Variants in VAV2 observed in about 807,000 individuals in gnomAD.
VAV2 encodes the protein guanine nucleotide exchange factor VAV2.
In VAV2, 67 loss-of-function variants were observed where a neutral mutation model predicts 132.5. The observed-to-expected ratio is 0.51, with a 90% CI of 0.42 to 0.62. The LOEUF is 0.62. VAV2 is among the 20% of genes least tolerant of loss of function. VAV2 has a pLI of 0.00. For missense variants in VAV2, 938 were observed against 1,153.6 expected, an observed-to-expected ratio of 0.81 and a Z score of 2.71; for synonymous variants, 492 against 443.5, an observed-to-expected ratio of 1.11 and a Z score of -1.37.
At chr9:133,849,136 A>C (rs1279108218) in intron 3 of VAV2, among the ~76,000 whole-genome samples, 1 of 152,146 alleles carries the variant, frequency 6.6e-6, no homozygotes, top group Non-Finnish European at 1.5e-5. Context: ...CCTAAAGGGA[A>C]GGACAGGAGT....
At chr9:133,889,227 C>T (rs1209222871) in intron 2 of VAV2, among the ~76,000 whole-genome samples, 2 of 152,180 alleles carry the variant, frequency 1.3e-5, no homozygotes, top group African/African-American at 4.8e-5. Flanking sequence ...CTGGGTTCCT[C>T]GTCCAGGAAA....
At chr9:133,870,004 ATTTT>A (rs199576915) in intron 2 of VAV2, among the ~76,000 whole-genome samples, 3 of 151,268 alleles carry the variant, frequency 2.0e-5, no homozygotes, top group Non-Finnish European at 4.4e-5. Context: ...GTTATCCTTC[ATTTT>A]TTTTTCTTTT....
rs1218844861 is a variant in VAV2, at chr9:133,919,558, G to A, written c.321+19545C>T. 1.3e-5 allele frequency among the ~76,000 whole-genome samples: 2 copies of A among 152,192 alleles called. No individual in the cohort carries two copies. Among genetic ancestry groups the A allele is most frequent in the African/African-American group, 4.8e-5 (2 of 41,428 alleles). ...TGTTCTAAGCCACGGGTCAAGGGCT[G>A]CCCACTCAGCAAGGGAAGCCACCAG... On this transcript the variant is annotated intron_variant, in intron 2 of 29. Transcript: ENST00000371850. This position sits in a 1 kb window ranked among gnomAD's most constrained non-coding sequence, Gnocchi z 5.8.
chr9:133,951,438 G>C (rs1309833882), intron 1 of VAV2, among the ~76,000 whole-genome samples: 2 of 152,168 alleles, frequency 1.3e-5, no homozygotes, highest in Non-Finnish European at 2.9e-5. Flanking sequence ...CTCTCCTGCA[G>C]GTGCCTACAA....
At chr9:133,811,093 A>G (rs1484015748) in intron 5 of VAV2, among the ~76,000 whole-genome samples, 5 of 152,234 alleles carry the variant, frequency 3.3e-5, no homozygotes, top group Non-Finnish European at 5.9e-5. Context: ...CCGGGAAGGC[A>G]AACTGGAGGC....
At chr9:133,779,412 C>T (rs1053513324) in intron 21 of VAV2, among the ~76,000 whole-genome samples, 1 of 152,046 alleles carries the variant, frequency 6.6e-6, no homozygotes. Context: ...CAGCTCCCGC[C>T]TGGCCCAGCA....
chr9:133,875,601 G>A (rs1838230625), intron 2 of VAV2, among the ~76,000 whole-genome samples: 1 of 152,218 alleles, frequency 6.6e-6, no homozygotes, highest in African/African-American at 2.4e-5. Flanking sequence ...GCACTGCAGC[G>A]CACGGCAGGA....
intron 2 of VAV2, among the ~76,000 whole-genome samples, chr9:133,881,987 G>C (rs942832173): frequency 2.3e-4 from 35 of 152,166 alleles, no homozygotes; most frequent in African/African-American, 8.4e-4. Context: ...GGCTACAAAG[G>C]AGGGCGTCAA....
intron 1 of VAV2, among the ~76,000 whole-genome samples, chr9:133,973,437 T>A (rs2132264867): frequency 6.6e-6 from 1 of 152,292 alleles, no homozygotes; most frequent in South Asian, 2.1e-4. Context: ...AGTTATCCTG[T>A]CACCCCGGCA....
intron 2 of VAV2, among the ~76,000 whole-genome samples, chr9:133,893,470 G>C (rs567659449): frequency 1.1e-4 from 17 of 152,324 alleles, no homozygotes; most frequent in African/African-American, 4.1e-4. Flanking sequence ...CAGGTGGCAA[G>C]GGACCTGCCC....
intron 1 of VAV2, among the ~76,000 whole-genome samples, chr9:133,965,226 G>T (rs534380596): frequency 2.9e-4 from 44 of 152,100 alleles, no homozygotes; most frequent in Admixed American, 1.3e-4. Flanking sequence ...AGTGGCTCAT[G>T]CCTCTAATCA....
intron 12 of VAV2, among the ~76,000 whole-genome samples, chr9:133,792,126 G>GACTGTGTGTGTGTA (rs1366821167): frequency 7.1e-4 from 48 of 67,148 alleles, no homozygotes; most frequent in Admixed American, 1.7e-3. Flanking sequence ...GGGTGTGTGT[G>GACTGTGTGTGTGTA]AGCGGGTTGT....
At chr9:133,898,495 G>A (rs1375394171) in intron 2 of VAV2, among the ~76,000 whole-genome samples, 1 of 151,948 alleles carries the variant, frequency 6.6e-6, no homozygotes, top group African/African-American at 2.4e-5. Flanking sequence ...TCAGGAGGCT[G>A]AGGCAGGAGA....
Position 133,917,910 on chromosome 9 carries a change from TG to T in VAV2, c.321+21192del, listed in dbSNP as rs754694964. On this transcript the variant is annotated intron_variant, in intron 2 of 29. Transcript: ENST00000371850. Reference sequence around the variant, plus strand: ...TCCTGGAGACCCTGGTCCCCCGCCCTGGTCCCCCCACCCTCCCGGCTGAATC... The same window carrying T: ...TCCTGGAGACCCTGGTCCCCCGCCCTGTCCCCCCACCCTCCCGGCTGAATC... 5.7e-3 allele frequency among the ~76,000 whole-genome samples: 671 copies of T among 117,026 alleles called. 4 individuals carry two copies. The highest frequency in any genetic ancestry group is 8.0e-3 in the Non-Finnish European group (454 of 56,530). 76.8% of individuals were successfully genotyped at this position (117,026 alleles called of 152,430 possible).
intron 2 of VAV2, among the ~76,000 whole-genome samples, chr9:133,875,233 G>A (rs1160223792): frequency 6.6e-6 from 1 of 152,208 alleles, no homozygotes; most frequent in Non-Finnish European, 1.5e-5. Flanking sequence ...CGGGTTCACA[G>A]GGCCAGAGCC....
At chr9:133,770,549 T>A in intron 26 of VAV2, 48 bp from the exon 27 acceptor site, 1 of 1,604,108 alleles carries the variant, frequency 6.2e-7, no homozygotes, top group Non-Finnish European at 8.5e-7. Flanking sequence ...CTCCAGGAAG[T>A]CCTCCCCCAG....
chr9:133,825,218 G>T (rs531754898), intron 4 of VAV2, among the ~76,000 whole-genome samples: 2 of 152,092 alleles, frequency 1.3e-5, no homozygotes, highest in South Asian at 4.1e-4. Flanking sequence ...GGGGACAAAG[G>T]CCTTTCTGTC....
At chr9:133,767,814 G>A (rs935393739) in intron 29 of VAV2, among the ~76,000 whole-genome samples, 5 of 152,218 alleles carry the variant, frequency 3.3e-5, no homozygotes, top group African/African-American at 9.6e-5. Context: ...CTAATTGGTG[G>A]CACAGGGAGC....
intron 1 of VAV2, among the ~76,000 whole-genome samples, chr9:133,963,989 A>G (rs1842043821): frequency 6.8e-6 from 1 of 147,046 alleles, no homozygotes; most frequent in Admixed American, 6.9e-5. Flanking sequence ...AGGTGATAAG[A>G]AGACTAGTAA....
Sources: gnomAD v4.1 joint callset for allele counts (sites outside exome capture counted in the v4.1 genomes callset) on GRCh38, gnomAD v4.1.1 for gene constraint, Gnocchi (gnomAD v3.1) non-coding constraint, MANE v1.5 for transcripts, NCBI Gene and HGNC (gene_info 2026-07-23, HGNC 2026-07-21) for gene names.